The following CTNNA3 variants were observed in gnomAD, a reference collection of about 807,000 sequenced individuals.
The protein encoded by CTNNA3 is catenin alpha 3, also known as catenin alpha-3.
CTNNA3 carries 76 observed loss-of-function variants against 95.7 expected under a neutral mutation model. That is an observed-to-expected ratio of 0.79 (90% confidence interval 0.66 to 0.96). The LOEUF (loss-of-function observed/expected upper bound fraction) is 0.96, where lower values mean the gene tolerates loss of function less well. Among genes scored for constraint, CTNNA3 ranks in the 40% least tolerant of loss-of-function variants. The pLI is 0.00. For missense variants in CTNNA3, 1,191 were observed against 1,089.8 expected (o/e 1.09, Z -1.31); for synonymous variants, 431 against 374.4 (o/e 1.15, Z -1.74).
At chr10:67,717,956 A>G (rs931692116) in intron 1 of CTNNA3, among the ~76,000 whole-genome samples, 3 of 152,182 alleles carry the variant, frequency 2.0e-5, no homozygotes, top group Non-Finnish European at 2.9e-5. Flanking sequence ...ACGAGCACAG[A>G]ATGTTTTTCC....
intron 7 of CTNNA3, among the ~76,000 whole-genome samples, chr10:66,985,957 A>C (rs963536531): frequency 3.9e-5 from 6 of 152,146 alleles, no homozygotes; most frequent in Middle Eastern, 3.4e-3. Context: ...CGATCTCCTG[A>C]CCTCATGATC....
chr10:67,055,430 T>G (rs1331624473), intron 7 of CTNNA3, among the ~76,000 whole-genome samples: 2 of 102,952 alleles, frequency 1.9e-5, no homozygotes, highest in Non-Finnish European at 4.2e-5. Context: ...ACACAGTTCC[T>G]GTCCAAAGGG....
At chr10:66,855,187 C>T (rs1843642318) in intron 7 of CTNNA3, among the ~76,000 whole-genome samples, 1 of 151,898 alleles carries the variant, frequency 6.6e-6, no homozygotes, top group African/African-American at 2.4e-5. Context: ...GAAACTAAAG[C>T]AGTTGGAGAG....
At chr10:67,375,029 A>G (rs996761740) in intron 5 of CTNNA3, among the ~76,000 whole-genome samples, 2 of 152,204 alleles carry the variant, frequency 1.3e-5, no homozygotes, top group African/African-American at 2.4e-5. Context: ...GACATGTTTG[A>G]CACCGACATA....
chr10:67,276,169 A>G (rs1312703466), intron 5 of CTNNA3, among the ~76,000 whole-genome samples: 1 of 152,142 alleles, frequency 6.6e-6, no homozygotes, highest in Admixed American at 6.6e-5. Flanking sequence ...AAAATTTTAC[A>G]ATTAATTTTA....
chr10:66,615,848 C>T (rs1208295796), intron 10 of CTNNA3, among the ~76,000 whole-genome samples: 3 of 151,978 alleles, frequency 2.0e-5, no homozygotes, highest in East Asian at 1.9e-4. Flanking sequence ...ACTATATGCT[C>T]GTGCAATAGG....
chr10:67,429,846 C>G (rs1281189537), intron 5 of CTNNA3, among the ~76,000 whole-genome samples: 1 of 151,732 alleles, frequency 6.6e-6, no homozygotes, highest in African/African-American at 2.4e-5. Context: ...AGTAAGCATA[C>G]CAATTTGGAT....
chr10:66,905,410 A>G (rs1845944404), intron 7 of CTNNA3, among the ~76,000 whole-genome samples: 1 of 152,164 alleles, frequency 6.6e-6, no homozygotes, highest in Non-Finnish European at 1.5e-5. Flanking sequence ...TAGGCGAAAT[A>G]CCGAATGTAA....
intron 7 of CTNNA3, among the ~76,000 whole-genome samples, chr10:67,024,700 C>A (rs984346613): frequency 6.6e-6 from 1 of 152,096 alleles, no homozygotes; most frequent in African/African-American, 2.4e-5. Context: ...CTTGTTAATG[C>A]TCAGATATTG....
intron 11 of CTNNA3, among the ~76,000 whole-genome samples, chr10:66,496,771 C>G (rs1467266141): frequency 2.6e-5 from 4 of 152,114 alleles, no homozygotes; most frequent in African/African-American, 9.7e-5. Context: ...TGTGCTAGGT[C>G]GTTCAGAACA....
chr10:66,562,122 A>G (rs955892431), intron 10 of CTNNA3, among the ~76,000 whole-genome samples: 20 of 152,230 alleles, frequency 1.3e-4, no homozygotes, highest in African/African-American at 4.3e-4. Context: ...GTGCATACAT[A>G]TTAGCAAAGA....
intron 5 of CTNNA3, among the ~76,000 whole-genome samples, chr10:67,451,041 A>G (rs748590411): frequency 7.2e-5 from 11 of 152,130 alleles, no homozygotes; most frequent in Non-Finnish European, 1.5e-4. Context: ...TAATTAGGCC[A>G]TGAAGGCTCC....
At chr10:67,607,737 G>A (rs538462494) in intron 2 of CTNNA3, among the ~76,000 whole-genome samples, 8 of 152,308 alleles carry the variant, frequency 5.3e-5, no homozygotes, top group Non-Finnish European at 8.8e-5. Flanking sequence ...AGCAGCCACC[G>A]TGGAGTTCCC....
chr10:67,270,113 ACACC>A (rs780290245), intron 5 of CTNNA3, among the ~76,000 whole-genome samples: 4 of 149,908 alleles, frequency 2.7e-5, no homozygotes, highest in Non-Finnish European at 4.4e-5. Context: ...TGGATAATTT[ACACC>A]ACCAGTATTT....
chr10:66,216,147 C>A (rs564060170), intron 13 of CTNNA3, among the ~76,000 whole-genome samples: 1 of 152,328 alleles, frequency 6.6e-6, no homozygotes, highest in African/African-American at 2.4e-5. Context: ...TGCCCTTAGG[C>A]CAAACATCCT....
At chr10:66,412,040 T>C (rs1488313760) in intron 11 of CTNNA3, among the ~76,000 whole-genome samples, 3 of 152,114 alleles carry the variant, frequency 2.0e-5, no homozygotes. Flanking sequence ...CCTAGAAGTT[T>C]CCTACGGCAA....
intron 5 of CTNNA3, among the ~76,000 whole-genome samples, chr10:67,503,806 T>G (rs1190351621): frequency 2.6e-5 from 4 of 152,206 alleles, no homozygotes; most frequent in Non-Finnish European, 4.4e-5. Context: ...ATAGCAGCAC[T>G]GTGCACAGCT....
intron 11 of CTNNA3, among the ~76,000 whole-genome samples, chr10:66,466,544 C>T (rs1454179689): frequency 6.6e-6 from 1 of 152,062 alleles, no homozygotes; most frequent in Admixed American, 6.6e-5. Context: ...CCCCCTCACT[C>T]ATTGTGTCCA....
intron 5 of CTNNA3, among the ~76,000 whole-genome samples, chr10:67,519,732 G>A (rs188219738): frequency 2.6e-5 from 4 of 152,194 alleles, no homozygotes; most frequent in African/African-American, 9.6e-5. Context: ...TTGGACCAGG[G>A]AACAAACCAT....
Sources: gnomAD v4.1 joint callset for allele counts (sites outside exome capture counted in the v4.1 genomes callset) on GRCh38, gnomAD v4.1.1 for gene constraint, MANE v1.5 for transcripts, NCBI Gene and HGNC (gene_info 2026-07-23, HGNC 2026-07-21) for gene names.